ARHGAP25: variants seen among roughly 807,000 people sequenced by gnomAD.
ARHGAP25 encodes the protein rho GTPase-activating protein 25.
Under a neutral mutation model 71.0 loss-of-function variants are expected in ARHGAP25, and 34 were observed. The ratio of observed to expected loss-of-function variants is 0.48; its 90% CI spans 0.36 to 0.64. The LOEUF (loss-of-function observed/expected upper bound fraction) is 0.64, where lower values mean the gene tolerates loss of function less well. Ranked by LOEUF, ARHGAP25 falls within the 30% of genes least tolerant of loss-of-function variation. ARHGAP25 has a pLI of 0.00. For synonymous variants in ARHGAP25, 282 were observed against 296.5 expected, an observed-to-expected ratio of 0.95 and a Z score of 0.50; for missense variants, 706 against 805.1, an observed-to-expected ratio of 0.88 and a Z score of 1.49.
rs755104139 is a variant in ARHGAP25 at position 68,767,561 on chromosome 2, G to A, written c.62-7660G>A. On this transcript the variant is annotated intron_variant, in intron 1 of 10. Coordinates refer to ENST00000409202, the MANE Select transcript of ARHGAP25 (RefSeq NM_001007231.3). The surrounding 1 kb of genome is among the most constrained non-coding windows in gnomAD (Gnocchi z 4.6). ...CCCAGTCGGCTCCTTCCTCAGCTGT[G>A]GTGTGGGCCTGACTGCCGGCCCACG... Among the ~76,000 whole-genome samples the A allele has an allele frequency of 5.3e-5, 8 of 152,094 alleles. No individual in the cohort carries two copies. The highest frequency in any genetic ancestry group is 1.0e-4 in the Non-Finnish European group (7 of 68,022).
At chr2:68,793,969 T>G (rs1679370561) in intron 4 of ARHGAP25, among the ~76,000 whole-genome samples, 1 of 152,160 alleles carries the variant, frequency 6.6e-6, no homozygotes, top group African/African-American at 2.4e-5. Flanking sequence ...GTAGTTTTCC[T>G]TGCAGAGATC....
At position 68,780,886 on chromosome 2, in the gene ARHGAP25, C is replaced by A. The variant is rs184446049; in HGVS notation, c.262-1347C>A. ...TCGGTACTTTGTTTTGAAATAAAGA[C>A]ACGTGTGTTTACTCAACTCAGAATC... On this transcript the variant is annotated intron_variant, in intron 2 of 10. Transcript: ENST00000409202. 1.8e-3 allele frequency among the ~76,000 whole-genome samples: 268 copies of A among 152,298 alleles called. 1 individual carries two copies. Among genetic ancestry groups the A allele is most frequent in the African/African-American group, 6.3e-3 (260 of 41,560 alleles).
intron 2 of ARHGAP25, among the ~76,000 whole-genome samples, chr2:68,726,139 G>C (rs781525799): frequency 3.3e-5 from 5 of 152,096 alleles, no homozygotes; most frequent in Non-Finnish European, 5.9e-5. Context: ...ATTAGAACAA[G>C]CTCCACAAAA....
At chr2:68,825,153 A>G (rs1287276466) in intron 10 of ARHGAP25, among the ~76,000 whole-genome samples, 1 of 152,156 alleles carries the variant, frequency 6.6e-6, no homozygotes, top group East Asian at 1.9e-4. Context: ...TGAGGGTGAG[A>G]CTGCCAGGAC....
chr2:68,808,584 A>G (rs1191609159), intron 5 of ARHGAP25, among the ~76,000 whole-genome samples: 1 of 152,222 alleles, frequency 6.6e-6, no homozygotes, highest in Admixed American at 6.5e-5. Context: ...CTAGGAAGCA[A>G]GAGATGGGGT....
Position 68,749,983 on chromosome 2 carries a change from G to T in ARHGAP25, c.61+14723G>T, listed in dbSNP as rs561498500. 9.9e-5 allele frequency among the ~76,000 whole-genome samples: 15 copies of T among 152,204 alleles called. No individual in the cohort carries two copies. In the East Asian group the frequency reaches 2.9e-3, roughly 29 times the overall value. ...ACATTATTTAATATTCCAGAGTACA[G>T]CTTTGAGTAACCTGGCCCTTTTTTA... On this transcript the variant is annotated intron_variant, in intron 1 of 10. Coordinates refer to ENST00000409202, the MANE Select transcript of ARHGAP25 (RefSeq NM_001007231.3).
At chr2:68,766,620 A>C (rs931787050) in intron 1 of ARHGAP25, among the ~76,000 whole-genome samples, 1 of 152,180 alleles carries the variant, frequency 6.6e-6, no homozygotes, top group African/African-American at 2.4e-5. Context: ...GCTGGCGTGC[A>C]AAAAAACCTT....
chr2:68,801,841 C>CCAAATTCAG (rs960529499), intron 4 of ARHGAP25, among the ~76,000 whole-genome samples: 1 of 152,042 alleles, frequency 6.6e-6, no homozygotes, highest in Non-Finnish European at 1.5e-5. Flanking sequence ...GAGAAGACAT[C>CCAAATTCAG]CAAATTCAGA....
At chr2:68,771,394 C>T (rs749117301) in intron 1 of ARHGAP25, among the ~76,000 whole-genome samples, 1 of 152,134 alleles carries the variant, frequency 6.6e-6, no homozygotes, top group African/African-American at 2.4e-5. Context: ...TGAAGCTTAT[C>T]ATGGTTATTA....
At chr2:68,804,646 C>G (rs10187087) in intron 4 of ARHGAP25, among the ~76,000 whole-genome samples, 51,661 of 152,110 alleles carry the variant, frequency 0.34, 9,430 homozygotes, top group East Asian at 0.51. Context: ...TCTTCCATGT[C>G]CCTTGTCTGT....
intron 4 of ARHGAP25, among the ~76,000 whole-genome samples, chr2:68,797,048 TTCCCCAGAAGAGGTA>T (rs1679602133): frequency 6.6e-6 from 1 of 152,154 alleles, no homozygotes; most frequent in Non-Finnish European, 1.5e-5. Context: ...CCGACCTCTG[TTCCCCAGAAGAGGTA>T]TTTGGGTAAC....
chr2:68,822,035 G>A (rs1336810204), intron 9 of ARHGAP25, among the ~76,000 whole-genome samples: 2 of 150,924 alleles, frequency 1.3e-5, no homozygotes, highest in East Asian at 3.9e-4. Flanking sequence ...ACGGCTTCTG[G>A]GTTTTCAGTC....
At chr2:68,815,554 G>A (rs180985039) in intron 6 of ARHGAP25, among the ~76,000 whole-genome samples, 1,852 of 144,916 alleles carry the variant, frequency 0.013, 17 homozygotes, top group Non-Finnish European at 0.019. Context: ...GGTTTCAAGC[G>A]ATTCTTCTGC....
intron 5 of ARHGAP25, among the ~76,000 whole-genome samples, chr2:68,812,317 C>T (rs1455552735): frequency 6.6e-6 from 1 of 152,164 alleles, no homozygotes; most frequent in Non-Finnish European, 1.5e-5. Flanking sequence ...TCTTAGCTCC[C>T]AGGCTGTACA....
At chr2:68,798,448 T>C (rs1353486299) in intron 4 of ARHGAP25, among the ~76,000 whole-genome samples, 1 of 151,866 alleles carries the variant, frequency 6.6e-6, no homozygotes, top group African/African-American at 2.4e-5. Context: ...TTCTTTAATA[T>C]GTGCTATGTG....
chr2:68,786,151 C>T (rs1000513148), intron 3 of ARHGAP25, among the ~76,000 whole-genome samples: 36 of 152,268 alleles, frequency 2.4e-4, no homozygotes, highest in African/African-American at 8.7e-4. Context: ...CATGGAAGTC[C>T]TCTTCATTCA....
intron 10 of ARHGAP25, among the ~76,000 whole-genome samples, chr2:68,823,186 G>T (rs1320694568): frequency 6.6e-6 from 1 of 152,084 alleles, no homozygotes; most frequent in Non-Finnish European, 1.5e-5. Flanking sequence ...TTATGTTAAG[G>T]TCATTCATTG....
chr2:68,730,526 T>C (rs545872804), upstream of ARHGAP25, among the ~76,000 whole-genome samples: 1 of 152,038 alleles, frequency 6.6e-6, no homozygotes, highest in South Asian at 2.1e-4. Flanking sequence ...AGTGAAAGCT[T>C]GCAGTCCCAC....
intron 2 of ARHGAP25, among the ~76,000 whole-genome samples, chr2:68,723,696 C>G (rs948147167): frequency 7.0e-4 from 107 of 152,236 alleles, no homozygotes; most frequent in African/African-American, 2.3e-3. Flanking sequence ...CTGGTGTTTT[C>G]TCTAGCAGAG....
Sources: allele counts gnomAD v4.1 joint callset (sites outside exome capture counted in the v4.1 genomes callset), GRCh38; gene constraint gnomAD v4.1.1; non-coding constraint Gnocchi (gnomAD v3.1); transcripts MANE v1.5; gene names NCBI Gene and HGNC (gene_info 2026-07-23, HGNC 2026-07-21).